SUSD3: variants seen among roughly 807,000 people sequenced by gnomAD.
SUSD3 encodes the protein sushi domain containing 3.
In SUSD3, 18 loss-of-function variants were observed where a neutral mutation model predicts 20.6. The observed-to-expected ratio is 0.87, with a 90% CI of 0.60 to 1.30. SUSD3 has a LOEUF of 1.30. Among genes scored for constraint, SUSD3 ranks in the 50% most tolerant of loss-of-function variants. The pLI, the probability that SUSD3 is intolerant of heterozygous loss-of-function variation, is 0.00. For synonymous variants in SUSD3, 137 were observed against 141.5 expected (o/e 0.97, Z 0.23); for missense variants, 306 against 346.9 (o/e 0.88, Z 0.94).
At chr9:93,067,634 C>G (rs1048231047) in intron 1 of SUSD3, among the ~76,000 whole-genome samples, 3 of 149,380 alleles carry the variant, frequency 2.0e-5, no homozygotes, top group Admixed American at 6.7e-5. Flanking sequence ...AAGTCTTGCT[C>G]TGTCCCAGGC....
At chr9:93,082,312 T>TTTCTTTTTC in intron 4 of SUSD3, among the ~76,000 whole-genome samples, 1 of 70,780 alleles carries the variant, frequency 1.4e-5, no homozygotes, top group African/African-American at 1.9e-4. Context: ...CCTCTTTCCT[T>TTTCTTTTTC]TTTTTTTTTT....
intron 1 of SUSD3, among the ~76,000 whole-genome samples, chr9:93,060,292 G>C (rs918292886): frequency 3.9e-5 from 6 of 152,048 alleles, no homozygotes; most frequent in African/African-American, 7.3e-5. Context: ...CTGTGACCTG[G>C]GGTGAGTCGC....
At chr9:93,059,600 C>T (rs1038641456) in intron 1 of SUSD3, among the ~76,000 whole-genome samples, 2 of 152,160 alleles carry the variant, frequency 1.3e-5, no homozygotes, top group Admixed American at 6.5e-5. Flanking sequence ...CAAAAGCTTA[C>T]TTCCGCGGCC....
chr9:93,063,878 G>A (rs1442944597), intron 1 of SUSD3, among the ~76,000 whole-genome samples: 22 of 152,178 alleles, frequency 1.4e-4, no homozygotes, highest in Admixed American at 1.4e-3. Flanking sequence ...GCCCCACCAG[G>A]CACCATCCTT....
chr9:93,063,510 A>G (rs1825584984), intron 1 of SUSD3, among the ~76,000 whole-genome samples: 1 of 152,100 alleles, frequency 6.6e-6, no homozygotes, highest in Admixed American at 6.5e-5. Flanking sequence ...AAGCCTGCCC[A>G]CCCAACTGGG....
At chr9:93,066,236 G>C (rs1223887413) in intron 1 of SUSD3, among the ~76,000 whole-genome samples, 3 of 152,140 alleles carry the variant, frequency 2.0e-5, no homozygotes, top group African/African-American at 7.2e-5. Context: ...ATCTTCAGTT[G>C]CTTTTTCTTT....
chr9:93,072,944 T>C (rs1825966549), intron 1 of SUSD3, among the ~76,000 whole-genome samples: 1 of 152,080 alleles, frequency 6.6e-6, no homozygotes, highest in African/African-American at 2.4e-5. Context: ...ATGTCTCATC[T>C]CAGGCTCGGT....
chr9:93,071,906 C>T (rs1825925685), intron 1 of SUSD3, among the ~76,000 whole-genome samples: 1 of 152,170 alleles, frequency 6.6e-6, no homozygotes, highest in Non-Finnish European at 1.5e-5. Flanking sequence ...GGGGCAGATT[C>T]CACCCACTGG....
intron 4 of SUSD3, among the ~76,000 whole-genome samples, chr9:93,079,814 C>T (rs1826336280): frequency 6.6e-6 from 1 of 152,098 alleles, no homozygotes; most frequent in African/African-American, 2.4e-5. Context: ...AGAACTGCCC[C>T]CAGCAGTGTT....
At position 93,075,923 on chromosome 9, in the gene SUSD3, C is replaced by G. The variant is rs746326390; in HGVS notation, c.228C>G (p.Thr76=). 2 of 1,613,354 alleles carry G rather than the reference C, an allele frequency of 1.2e-6. No homozygotes were observed. The highest frequency in any genetic ancestry group is 8.5e-7 in the Non-Finnish European group (1 of 1,179,532). Residue 76 remains threonine (T), a synonymous_variant, in exon 2 of 5, where the codon ACC becomes ACG. Transcript: ENST00000375472. ...QMVGSGLLTC[T]WKGSIAEWSS... is the part of the protein sequence containing the mutation. ...TGGGGTCTGGGCTCCTCACCTGCAC[C>G]TGGAAGGGGAGCATCGCTGAGTGGT...
At chr9:93,075,995 G>A (rs1357639421) in intron 2 of SUSD3, 23 bp downstream of exon 2, 19 of 1,561,834 alleles carry the variant, frequency 1.2e-5, no homozygotes, top group African/African-American at 4.1e-5. Context: ...CTCTCAGCTC[G>A]GTGGCTCTGG....
intron 4 of SUSD3, 28 bp downstream of exon 4, chr9:93,079,630 G>A: frequency 6.2e-7 from 1 of 1,611,094 alleles, no homozygotes; most frequent in Non-Finnish European, 8.5e-7. Context: ...TAGGGGACAT[G>A]CTGGGGGACA....
chr9:93,074,143 C>G (rs1826024889), intron 1 of SUSD3, among the ~76,000 whole-genome samples: 2 of 152,100 alleles, frequency 1.3e-5, no homozygotes, highest in African/African-American at 4.8e-5. Context: ...ATCTCTGTGT[C>G]CTTATTTAAG....
At chr9:93,065,866 C>T (rs1402102355) in intron 1 of SUSD3, among the ~76,000 whole-genome samples, 1 of 152,240 alleles carries the variant, frequency 6.6e-6, no homozygotes, top group Non-Finnish European at 1.5e-5. Context: ...TGACGGAGAG[C>T]CCAACCCTGG....
intron 1 of SUSD3, among the ~76,000 whole-genome samples, chr9:93,066,149 G>A (rs1230100653): frequency 6.6e-6 from 1 of 152,162 alleles, no homozygotes; most frequent in African/African-American, 2.4e-5. Context: ...TAGAAATTGT[G>A]CACCCCTCCT....
chr9:93,059,839 C>T (rs1031095928), intron 1 of SUSD3, among the ~76,000 whole-genome samples: 1 of 152,236 alleles, frequency 6.6e-6, no homozygotes, highest in East Asian at 1.9e-4. Flanking sequence ...GTCCGCAGCT[C>T]AGCAAAGTGG....
chr9:93,078,500 T>C (rs1415636239), intron 3 of SUSD3, among the ~76,000 whole-genome samples: 4 of 152,150 alleles, frequency 2.6e-5, no homozygotes, highest in African/African-American at 9.6e-5. Flanking sequence ...CCTCTGGTGA[T>C]CCGCCCAGTG....
rs1156540146 is a variant in SUSD3, at chr9:93,059,229, G to GGGAGCCC, written c.88+400_88+406dup. On this transcript the variant is annotated intron_variant, in intron 1 of 4. Transcript: ENST00000375472. ...GGCGCGGGGGCGGGAGGGGGGAGCC[G>GGGAGCCC]GGAGCCCTCTCTGCGCCTGAGGGAG... Among the ~76,000 whole-genome samples, 12 of 152,152 alleles carry GGGAGCCC rather than the reference G, an allele frequency of 7.9e-5. 1 individual carries two copies. Among genetic ancestry groups the GGGAGCCC allele is most frequent in the Admixed American group, 7.2e-4 (11 of 15,280 alleles).
intron 1 of SUSD3, among the ~76,000 whole-genome samples, chr9:93,067,634 C>CT (rs768172707): frequency 6.7e-6 from 1 of 149,380 alleles, no homozygotes; most frequent in Non-Finnish European, 1.5e-5. Context: ...AAGTCTTGCT[C>CT]TGTCCCAGGC....
Sources: gnomAD v4.1 joint callset for allele counts (sites outside exome capture counted in the v4.1 genomes callset) on GRCh38, gnomAD v4.1.1 for gene constraint, MANE v1.5 for transcripts, NCBI Gene and HGNC (gene_info 2026-07-23, HGNC 2026-07-21) for gene names.